The following TNFRSF11B variants were observed in gnomAD, a reference collection of about 807,000 sequenced individuals.
TNFRSF11B encodes the protein tumor necrosis factor receptor superfamily member 11B.
Under a neutral mutation model 43.4 loss-of-function variants are expected in TNFRSF11B, and 16 were observed. The ratio of observed to expected loss-of-function variants is 0.37; its 90% CI spans 0.25 to 0.56. The LOEUF is 0.56. TNFRSF11B is among the 20% of genes least tolerant of loss of function. The pLI is 0.80. For synonymous variants in TNFRSF11B, 185 were observed against 181.8 expected, an observed-to-expected ratio of 1.02 and a Z score of -0.14; for missense variants, 444 against 490.1, an observed-to-expected ratio of 0.91 and a Z score of 0.89.
At position 118,933,155 on chromosome 8, in the gene TNFRSF11B, T is replaced by G. The variant is rs1812352978; in HGVS notation, c.176A>C (p.Lys59Thr). 6.2e-7 allele frequency: 1 copy of G among 1,614,222 alleles called. No homozygotes were observed. Among genetic ancestry groups the G allele is most frequent in the Non-Finnish European group, 8.5e-7 (1 of 1,180,040 alleles). ...YLKQHCTAKW[K>T]TVCAPCPDHY... ...GTCAGGGCAAGGGGCGCACACGGTC[T>G]TCCACTTTGCTGTACAGTGTTGTTT... The change falls in exon 2 of 5, where the codon AAG becomes ACG. Residue 59 changes from lysine to threonine, a missense_variant. Transcript: ENST00000297350.
intron 1 of TNFRSF11B, among the ~76,000 whole-genome samples, chr8:118,950,622 T>C (rs1812628844): frequency 2.0e-5 from 3 of 152,224 alleles, no homozygotes; most frequent in African/African-American, 7.2e-5. Flanking sequence ...CAATTCTCTA[T>C]GTGTTATATT....
intron 2 of TNFRSF11B, among the ~76,000 whole-genome samples, chr8:118,931,618 C>G: frequency 6.6e-6 from 1 of 152,174 alleles, no homozygotes; most frequent in Non-Finnish European, 1.5e-5. Flanking sequence ...TAGGAACTAT[C>G]ACCAATTCCT....
rs541013030 is a variant in TNFRSF11B, at chr8:118,925,909, T to C, written c.817+585A>G. ...AAAGGAGAATCTTTATATAAACTTA[T>C]AAGATGTGAGAACATTTTGCTGTAA... On this transcript the variant is annotated intron_variant, in intron 4 of 4. Transcript: ENST00000297350. Among the ~76,000 whole-genome samples the C allele has an allele frequency of 3.9e-5, 6 of 152,354 alleles. No individual in the cohort carries two copies. The South Asian group carries it at 1.2e-3, about 32-fold the overall frequency.
chr8:118,933,593 T>G (rs1463553670), intron 1 of TNFRSF11B, among the ~76,000 whole-genome samples: 1 of 152,232 alleles, frequency 6.6e-6, no homozygotes. Context: ...ACCATGTGAC[T>G]TGAAAGACAC....
At chr8:118,940,769 C>T (rs1461937804) in intron 1 of TNFRSF11B, among the ~76,000 whole-genome samples, 1 of 152,168 alleles carries the variant, frequency 6.6e-6, no homozygotes, top group East Asian at 1.9e-4. Flanking sequence ...AAAAAAAGCA[C>T]CTTGGACATG....
intron 1 of TNFRSF11B, among the ~76,000 whole-genome samples, chr8:118,939,639 A>G (rs1812451933): frequency 6.6e-6 from 1 of 152,228 alleles, no homozygotes; most frequent in African/African-American, 2.4e-5. Flanking sequence ...GGAAGAGCCA[A>G]TAACTATGAA....
intron 1 of TNFRSF11B, among the ~76,000 whole-genome samples, chr8:118,944,359 G>A (rs1467949187): frequency 6.6e-6 from 1 of 152,126 alleles, no homozygotes; most frequent in Non-Finnish European, 1.5e-5. Flanking sequence ...TGGGAGGGCT[G>A]TATACATCAA....
intron 1 of TNFRSF11B, among the ~76,000 whole-genome samples, chr8:118,938,774 T>C (rs2129908228): frequency 6.6e-6 from 1 of 152,316 alleles, no homozygotes; most frequent in East Asian, 1.9e-4. Flanking sequence ...CTAATTTGAC[T>C]AGAGAATTCT....
rs1812249593 is a variant in TNFRSF11B at position 118,926,625 on chromosome 8, C to T, written c.686G>A (p.Gly229Asp). Residue 229 changes from glycine (G) to aspartate (D), a missense_variant, in exon 4 of 5, where the codon GGC becomes GAC. Gly to Asp is a moderately conservative substitution (Grantham distance 94). Transcript: ENST00000297350. The part of the protein sequence containing the change: ...WLSVLVDNLP[G>D]TKVNAESVER... The stretch of plus-strand genomic sequence containing the variant: ...TACACTCTCTGCGTTTACTTTGGTG[C>T]CAGGCAAATTGTCTACCAAGACACT... 1 of 1,613,890 alleles carries T rather than the reference C, an allele frequency of 6.2e-7. No individual in the cohort carries two copies. Among genetic ancestry groups the T allele is most frequent in the Non-Finnish European group, 8.5e-7 (1 of 1,179,986 alleles).
In TNFRSF11B at chr8:118,933,012, A is replaced by G. The variant is rs1476937606; in HGVS notation, c.319T>C (p.Cys107Arg). The G allele has an allele frequency of 6.2e-7, 1 of 1,614,174 alleles. No homozygotes were observed. The highest frequency in any genetic ancestry group is 1.1e-5 in the South Asian group (1 of 91,082). The change falls in exon 2 of 5, where the codon TGC becomes CGC. Residue 107 changes from cysteine to arginine, a missense_variant. Cys to Arg is a radical substitution (Grantham distance 180). Coordinates refer to ENST00000297350, the MANE Select transcript of TNFRSF11B (RefSeq NM_002546.4). ...ATCTCAAGGTAGCGCCCTTCCTTGCATTCGCACACGCGGTTGTGGGTGCGA... is the reference window on the plus strand; with the variant it reads ...ATCTCAAGGTAGCGCCCTTCCTTGCGTTCGCACACGCGGTTGTGGGTGCGA... Reference protein sequence around the residue: ...CNRTHNRVCECKEGRYLEIEF... With the variant: ...CNRTHNRVCERKEGRYLEIEF...
chr8:118,940,864 G>C (rs941708094), intron 1 of TNFRSF11B, among the ~76,000 whole-genome samples: 1 of 152,134 alleles, frequency 6.6e-6, no homozygotes, highest in African/African-American at 2.4e-5. Context: ...CCATGACTTT[G>C]TTTAGAAAGC....
chr8:118,928,109 C>T (rs1053610940), intron 3 of TNFRSF11B, among the ~76,000 whole-genome samples: 2 of 151,786 alleles, frequency 1.3e-5, no homozygotes, highest in Admixed American at 6.6e-5. Flanking sequence ...CTGCAACCTC[C>T]ATCTCCTGGG....
intron 1 of TNFRSF11B, among the ~76,000 whole-genome samples, chr8:118,948,801 A>C (rs942708747): frequency 6.6e-6 from 1 of 151,354 alleles, no homozygotes; most frequent in Non-Finnish European, 1.5e-5. Flanking sequence ...ACAAAAAAAA[A>C]CTTAACCACT....
intron 1 of TNFRSF11B, among the ~76,000 whole-genome samples, chr8:118,943,398 T>C (rs1023226005): frequency 5.3e-5 from 8 of 152,098 alleles, no homozygotes; most frequent in African/African-American, 1.9e-4. Context: ...CACCCAAGGA[T>C]TTGACCCTCA....
At chr8:118,951,674 CTCTCCTGGGAGGGAGCGAGTGGAGCCT>C in intron 1 of TNFRSF11B, 91 bp downstream of exon 1, 1 of 1,011,270 alleles carries the variant, frequency 9.9e-7, no homozygotes, top group Non-Finnish European at 1.5e-6. Flanking sequence ...AACCCCAAGC[CTCTCCTGGGAGGGAGCGAGTGGAGCCT>C]TCTCCCCGCC....
intron 1 of TNFRSF11B, 29 bp downstream of exon 1, chr8:118,951,763 G>T: frequency 1.3e-6 from 2 of 1,577,508 alleles, no homozygotes; most frequent in Non-Finnish European, 1.7e-6. Context: ...CCAGGCGCCG[G>T]GCACCCGTCG....
intron 1 of TNFRSF11B, among the ~76,000 whole-genome samples, chr8:118,936,515 T>G (rs1243796184): frequency 6.6e-6 from 1 of 152,168 alleles, no homozygotes; most frequent in East Asian, 1.9e-4. Flanking sequence ...CTCAGTCCTT[T>G]CTCTCGGTTT....
intron 1 of TNFRSF11B, among the ~76,000 whole-genome samples, chr8:118,942,686 TC>T (rs1812504617): frequency 6.6e-6 from 1 of 152,204 alleles, no homozygotes; most frequent in African/African-American, 2.4e-5. Flanking sequence ...GATATGATTA[TC>T]CCCATTTTAC....
chr8:118,924,453 G>A lies in TNFRSF11B; in HGVS notation c.1127C>T (p.Thr376Ile), dbSNP rs1310445066. The A allele has an allele frequency of 3.7e-6, 6 of 1,613,982 alleles. No individual in the cohort carries two copies. The highest frequency in any genetic ancestry group is 5.1e-6 in the Non-Finnish European group (6 of 1,179,984). Reference sequence around the variant, plus strand: ...TAACTTCTGATACAATTTGTACATTGTGAAGCTGTGAAGGAACCTGATGGT... The same window carrying A: ...TAACTTCTGATACAATTTGTACATTATGAAGCTGTGAAGGAACCTGATGGT... Reference protein sequence around the residue: ...KKTIRFLHSFTMYKLYQKLFL... With the variant: ...KKTIRFLHSFIMYKLYQKLFL... The change falls in exon 5 of 5, where the codon ACA becomes ATA. Residue 376 changes from threonine to isoleucine, a missense_variant. Thr to Ile is a moderately conservative substitution (Grantham distance 89). Transcript: ENST00000297350.
Sources: gnomAD v4.1 joint callset for allele counts (sites outside exome capture counted in the v4.1 genomes callset) on GRCh38, gnomAD v4.1.1 for gene constraint, MANE v1.5 for transcripts, NCBI Gene and HGNC (gene_info 2026-07-23, HGNC 2026-07-21) for gene names.